The following FRMPD4 variants were observed in gnomAD, a reference collection of about 807,000 sequenced individuals.
FRMPD4 encodes the protein FERM and PDZ domain-containing protein 4.
A neutral mutation model predicts 94.1 loss-of-function variants in FRMPD4; 22 were observed. The observed-to-expected ratio is 0.23, with a 90% CI of 0.17 to 0.33. The LOEUF is 0.33. Among genes scored for constraint, FRMPD4 ranks in the 10% least tolerant of loss-of-function variants. The pLI is 1.00. For synonymous variants in FRMPD4, 631 were observed against 548.6 expected (o/e 1.15, Z -2.10); for missense variants, 1,111 against 1,339.9 (o/e 0.83, Z 2.67).
At chrX:12,206,647 C>T (rs2056695988) in intron 1 of FRMPD4, among the ~76,000 whole-genome samples, 1 of 112,097 alleles carries the variant, frequency 8.9e-6, no homozygotes, top group African/African-American at 3.2e-5. Flanking sequence ...CTAACAGAGG[C>T]AGTTCAGGTT....
At chrX:12,554,246 G>C (rs1214969797) in intron 2 of FRMPD4, among the ~76,000 whole-genome samples, 29 of 111,613 alleles carry the variant, frequency 2.6e-4, no homozygotes, top group Admixed American at 2.5e-3. Context: ...TCATTATCTA[G>C]CACCACTAAC....
intron 1 of FRMPD4, chrX:12,149,171 CAGTT>C (rs886745758): frequency 1.8e-4 from 20 of 111,877 alleles, no homozygotes; most frequent in Admixed American, 6.7e-4. Context: ...TGTTCACAGT[CAGTT>C]AGAGATTGAA....
At chrX:12,105,199 T>A (rs2055287065) in intron 3 of FRMPD4, among the ~76,000 whole-genome samples, 1 of 111,999 alleles carries the variant, frequency 8.9e-6, no homozygotes, top group Non-Finnish European at 1.9e-5. Flanking sequence ...CCACTTTCGT[T>A]GATTGAGACA....
intron 1 of FRMPD4, among the ~76,000 whole-genome samples, chrX:12,447,651 C>A (rs1601952813): frequency 1.8e-5 from 2 of 111,923 alleles, no homozygotes; most frequent in East Asian, 5.6e-4. Flanking sequence ...AGTGGTTAGT[C>A]ATTTTACAGC....
intron 3 of FRMPD4, among the ~76,000 whole-genome samples, chrX:11,935,095 TA>T (rs1555914064): frequency 2.0e-5 from 1 of 48,996 alleles, no homozygotes; most frequent in Non-Finnish European, 4.4e-5. Context: ...TTTTTTTTTT[TA>T]AATTTAACAG....
chrX:11,865,196 C>G (rs2053711487), exon 2 of FRMPD4, among the ~76,000 whole-genome samples: 1 of 111,969 alleles, frequency 8.9e-6, no homozygotes, highest in Non-Finnish European at 1.9e-5. Flanking sequence ...TCCATGTCAT[C>G]ATCATCTTTG....
At chrX:12,049,992 A>C (rs2054808021) in intron 3 of FRMPD4, among the ~76,000 whole-genome samples, 1 of 112,393 alleles carries the variant, frequency 8.9e-6, no homozygotes, top group African/African-American at 3.2e-5. Context: ...AAAAAGTTAA[A>C]GTTTAAAGCT....
intron 1 of FRMPD4, among the ~76,000 whole-genome samples, chrX:12,264,055 G>C (rs1337697858): frequency 1.8e-5 from 2 of 111,132 alleles, no homozygotes; most frequent in Non-Finnish European, 1.9e-5. Flanking sequence ...ACGTGCTTTT[G>C]GGGGGGACAC....
At chrX:12,542,683 A>G (rs896724957) in intron 2 of FRMPD4, among the ~76,000 whole-genome samples, 1 of 111,995 alleles carries the variant, frequency 8.9e-6, no homozygotes, top group Non-Finnish European at 1.9e-5. Context: ...CATAGACTCA[A>G]TGCCATCCCC....
chrX:11,831,223 A>T (rs1277164621), intron 1 of FRMPD4, among the ~76,000 whole-genome samples: 1 of 110,961 alleles, frequency 9.0e-6, no homozygotes, highest in African/African-American at 3.3e-5. Context: ...ATAATGAAAA[A>T]AAATTAAAAC....
Position 12,594,451 on chromosome X carries a change from T to TTTATTTA in FRMPD4, c.159-15268_159-15267insATTTATT, listed in dbSNP as rs1555990302. ...TATTTATTTATTTATTTATTTATTT[T>TTTATTTA]TTGAGATGGAGTCTCACTCTGTCAC... On this transcript the variant is annotated intron_variant, in intron 2 of 16. Coordinates refer to ENST00000675598, the MANE Select transcript of FRMPD4 (RefSeq NM_001368397.1). 1.2e-3 allele frequency among the ~76,000 whole-genome samples: 127 copies of TTTATTTA among 107,663 alleles called. 1 individual carries two copies. Among genetic ancestry groups the TTTATTTA allele is most frequent in the Middle Eastern group, 4.7e-3 (1 of 213 alleles). The allele number at this position is 107,663 out of a possible 115,157, so 93.5% of individuals were successfully genotyped here.
intron 1 of FRMPD4, among the ~76,000 whole-genome samples, chrX:12,393,883 G>A (rs752364523): frequency 2.7e-5 from 3 of 111,636 alleles, no homozygotes; most frequent in South Asian, 3.7e-4. Context: ...AATCTTAGAC[G>A]CTTGACTACT....
intron 3 of FRMPD4, among the ~76,000 whole-genome samples, chrX:11,923,097 G>A (rs752895747): frequency 8.9e-6 from 1 of 112,825 alleles, no homozygotes; most frequent in Non-Finnish European, 1.9e-5. Flanking sequence ...CCATACTTCA[G>A]CTTCCCCAGC....
chrX:12,184,645 T>TA (rs1469488394), intron 1 of FRMPD4, among the ~76,000 whole-genome samples: 3 of 111,817 alleles, frequency 2.7e-5, no homozygotes, highest in Non-Finnish European at 5.7e-5. Flanking sequence ...TATACAGCCA[T>TA]AAAAAAGAAT....
At chrX:12,606,304 G>A (rs776788130) in intron 2 of FRMPD4, among the ~76,000 whole-genome samples, 9 of 111,644 alleles carry the variant, frequency 8.1e-5, no homozygotes, top group Non-Finnish European at 1.5e-4. Context: ...TTTTCCTATT[G>A]TCTGGAGGGC....
chrX:12,418,522 G>A (rs2056841861), intron 1 of FRMPD4, among the ~76,000 whole-genome samples: 1 of 108,208 alleles, frequency 9.2e-6, no homozygotes, highest in Non-Finnish European at 1.9e-5. Context: ...CCAATGCCTG[G>A]CTAATTTTTG....
intron 1 of FRMPD4, among the ~76,000 whole-genome samples, chrX:12,342,585 AT>A (rs745762353): frequency 8.9e-6 from 1 of 112,045 alleles, no homozygotes; most frequent in East Asian, 2.8e-4. Flanking sequence ...TGGGAAGGCC[AT>A]CCCAAGCTAA....
chrX:11,956,773 A>G (rs7064960), intron 3 of FRMPD4, among the ~76,000 whole-genome samples: 5,690 of 112,133 alleles, frequency 0.051, 380 homozygotes, highest in African/African-American at 0.17. Context: ...TTAAAGTTAG[A>G]GAGAACTGAG....
intron 1 of FRMPD4, among the ~76,000 whole-genome samples, chrX:12,274,179 TTTC>T (rs1240723925): frequency 2.7e-5 from 3 of 111,204 alleles, no homozygotes; most frequent in Non-Finnish European, 5.7e-5. Context: ...GTATCTACTC[TTTC>T]TAATTAAAAA....
Sources: gnomAD v4.1 joint callset for allele counts (sites outside exome capture counted in the v4.1 genomes callset) on GRCh38, gnomAD v4.1.1 for gene constraint, MANE v1.5 for transcripts, NCBI Gene and HGNC (gene_info 2026-07-23, HGNC 2026-07-21) for gene names.